XRCC4: variants seen among roughly 807,000 people sequenced by gnomAD.
The protein encoded by XRCC4 is X-ray repair cross complementing 4.
Under a neutral mutation model 39.1 loss-of-function variants are expected in XRCC4, and 28 were observed. The observed-to-expected ratio is 0.72, with a 90% CI of 0.53 to 0.98. The LOEUF (loss-of-function observed/expected upper bound fraction) is 0.98. XRCC4 is among the 50% of genes least tolerant of loss of function. The probability of loss-of-function intolerance (pLI) is 0.00; values close to 1 mark genes in which losing one functional copy is unlikely to be tolerated. For synonymous variants in XRCC4, 123 were observed against 126.4 expected (o/e 0.97, Z 0.18); for missense variants, 350 against 376.4 (o/e 0.93, Z 0.58).
intron 5 of XRCC4, among the ~76,000 whole-genome samples, 178 bp downstream of exon 5, chr5:83,203,885 T>G (rs1751314590): frequency 6.6e-6 from 1 of 152,014 alleles, no homozygotes; most frequent in Non-Finnish European, 1.5e-5. Flanking sequence ...CTCAGCATGG[T>G]CTCTCTATGT....
At chr5:83,130,798 G>T (rs1747535399) in intron 3 of XRCC4, among the ~76,000 whole-genome samples, 3 of 152,108 alleles carry the variant, frequency 2.0e-5, no homozygotes, top group South Asian at 4.1e-4. Context: ...TTTTATTTCT[G>T]TGGGATCGTT....
chr5:83,099,674 T>G (rs1007586592), intron 1 of XRCC4, among the ~76,000 whole-genome samples: 3 of 152,130 alleles, frequency 2.0e-5, no homozygotes, highest in African/African-American at 7.2e-5. Flanking sequence ...CAAATTGGGG[T>G]GGGACCCAAC....
chr5:83,280,303 C>T, intron 7 of XRCC4: 1 of 399,742 alleles, frequency 2.5e-6, no homozygotes, highest in Non-Finnish European at 4.7e-6. Flanking sequence ...TGATGTTTTA[C>T]ACCAAGGAAT....
intron 7 of XRCC4, among the ~76,000 whole-genome samples, chr5:83,340,118 C>G (rs537464899): frequency 3.3e-5 from 5 of 152,294 alleles, no homozygotes; most frequent in African/African-American, 1.2e-4. Context: ...TTGCAGATCC[C>G]TCTTCCAACC....
intron 3 of XRCC4, among the ~76,000 whole-genome samples, chr5:83,114,197 A>G (rs1383311615): frequency 6.6e-6 from 1 of 152,184 alleles, no homozygotes; most frequent in African/African-American, 2.4e-5. Flanking sequence ...TCTGGAGCCT[A>G]TAATGGGAGG....
chr5:83,365,122 C>T, the XRCC4 span, among the ~76,000 whole-genome samples: 7 of 152,120 alleles, frequency 4.6e-5, no homozygotes, highest in Non-Finnish European at 7.4e-5. Context: ...ATGGGAGTTC[C>T]GTTACCTCAG....
chr5:83,204,837 A>G lies in XRCC4; in HGVS notation c.661A>G (p.Met221Val). The G allele has an allele frequency of 3.1e-6, 5 of 1,611,956 alleles. No homozygotes were observed. Among genetic ancestry groups the G allele is most frequent in the Non-Finnish European group, 4.2e-6 (5 of 1,178,502 alleles). Residue 221 changes from methionine (M) to valine (V), a missense_variant, in exon 6 of 8, where the codon ATG (methionine) becomes GTG (valine). Transcript: ENST00000396027. ...TAGGGAAACTGCAATCTGTTCTGAAATGACTGCTGACCGAGATCCAGTCTA... is the reference window on the plus strand; with the variant it reads ...TAGGGAAACTGCAATCTGTTCTGAAGTGACTGCTGACCGAGATCCAGTCTA... Reference protein sequence around the residue: ...QEGETAICSEMTADRDPVYDE... With the variant: ...QEGETAICSEVTADRDPVYDE...
At chr5:83,162,874 G>C (rs1749281175) in intron 3 of XRCC4, among the ~76,000 whole-genome samples, 1 of 151,362 alleles carries the variant, frequency 6.6e-6, no homozygotes, top group East Asian at 1.9e-4. Flanking sequence ...GAGTCTCTCA[G>C]GTCTGGTGTT....
Position 83,338,889 on chromosome 5 carries a change from G to A in XRCC4, c.894-14242G>A, listed in dbSNP as rs185153864. Among the ~76,000 whole-genome samples the A allele has an allele frequency of 2.2e-3, 329 of 152,242 alleles. 4 individuals carry two copies. The Middle Eastern group carries it at 0.041, about 19-fold the overall frequency. ...TAAATAGCATTTGAAATTACTTCAC[G>A]TATTTTTAGTGTGATAAATAAAAGT... is the stretch of plus-strand genomic sequence containing the variant. On this transcript the variant is annotated intron_variant, in intron 7 of 7. Transcript: ENST00000396027.
downstream of XRCC4, among the ~76,000 whole-genome samples, chr5:83,354,885 C>T (rs749557368): frequency 1.3e-5 from 2 of 152,102 alleles, no homozygotes; most frequent in Non-Finnish European, 1.5e-5. Context: ...CACTGGTCTC[C>T]CTGCTTAATT....
chr5:83,356,521 G>A (rs1052017100), downstream of XRCC4, among the ~76,000 whole-genome samples: 2 of 152,170 alleles, frequency 1.3e-5, no homozygotes, highest in Non-Finnish European at 2.9e-5. Context: ...AATCATTGCT[G>A]TGTGTCAGAT....
downstream of XRCC4, among the ~76,000 whole-genome samples, chr5:83,356,944 T>G (rs1757196845): frequency 6.6e-6 from 1 of 152,192 alleles, no homozygotes; most frequent in Admixed American, 6.6e-5. Context: ...AAAAATCCCC[T>G]CTCAAGAGAT....
chr5:83,246,349 C>G (rs527600314), intron 6 of XRCC4, among the ~76,000 whole-genome samples: 1 of 151,984 alleles, frequency 6.6e-6, no homozygotes, highest in Non-Finnish European at 1.5e-5. Flanking sequence ...TTTTAAATGC[C>G]GACTCCAGTT....
intron 3 of XRCC4, among the ~76,000 whole-genome samples, chr5:83,146,112 T>C (rs182705593): frequency 2.2e-4 from 34 of 152,326 alleles, no homozygotes; most frequent in African/African-American, 7.7e-4. Flanking sequence ...GCTGTCCTAG[T>C]TTATGCCTTG....
chr5:83,270,973 A>G (rs898991676), intron 7 of XRCC4, among the ~76,000 whole-genome samples: 3 of 151,820 alleles, frequency 2.0e-5, no homozygotes, highest in Admixed American at 2.0e-4. Flanking sequence ...TTTAGTAAAG[A>G]TGGGGTTTTG....
chr5:83,341,123 T>C (rs1756743714), intron 7 of XRCC4, among the ~76,000 whole-genome samples: 1 of 152,048 alleles, frequency 6.6e-6, no homozygotes, highest in Non-Finnish European at 1.5e-5. Context: ...ACCAGATTCA[T>C]TTGGAAAACC....
chr5:83,137,081 T>G (rs191246607), intron 3 of XRCC4, among the ~76,000 whole-genome samples: 34 of 152,256 alleles, frequency 2.2e-4, no homozygotes, highest in Non-Finnish European at 4.0e-4. Context: ...AAATCCAGTT[T>G]TTATTTATGA....
At chr5:83,195,099 G>T (rs1750883477) in intron 3 of XRCC4, among the ~76,000 whole-genome samples, 1 of 152,016 alleles carries the variant, frequency 6.6e-6, no homozygotes, top group Non-Finnish European at 1.5e-5. Context: ...GAATACCTGT[G>T]TTCTCTTCAG....
chr5:83,206,665 T>C (rs1751434086), intron 6 of XRCC4, among the ~76,000 whole-genome samples: 1 of 152,048 alleles, frequency 6.6e-6, no homozygotes, highest in African/African-American at 2.4e-5. Flanking sequence ...AAAAGTATTT[T>C]TGTTTGTTGT....
Sources: allele counts gnomAD v4.1 joint callset (sites outside exome capture counted in the v4.1 genomes callset), GRCh38; gene constraint gnomAD v4.1.1; transcripts MANE v1.5; gene names NCBI Gene and HGNC (gene_info 2026-07-23, HGNC 2026-07-21).